ST7: variants seen among roughly 807,000 people sequenced by gnomAD.
ST7 encodes suppressor of tumorigenicity 7 protein.
In ST7, 28 loss-of-function variants were observed where a neutral mutation model predicts 78.7. The ratio of observed to expected loss-of-function variants is 0.36; its 90% confidence interval spans 0.26 to 0.49. The LOEUF (loss-of-function observed/expected upper bound fraction) is 0.49. ST7 is among the 20% of genes least tolerant of loss of function. The pLI is 0.99. For synonymous variants in ST7, 247 were observed against 249.6 expected, an observed-to-expected ratio of 0.99 and a Z score of 0.10; for missense variants, 418 against 696.0, an observed-to-expected ratio of 0.60 and a Z score of 4.49.
chr7:117,195,678 A>T (rs937960535), intron 12 of ST7, among the ~76,000 whole-genome samples: 3 of 152,134 alleles, frequency 2.0e-5, no homozygotes, highest in Admixed American at 6.5e-5. Flanking sequence ...ATCTTGTGAA[A>T]ACTCACTCAC....
chr7:117,158,528 C>T (rs1473414023), intron 9 of ST7, among the ~76,000 whole-genome samples: 1 of 152,220 alleles, frequency 6.6e-6, no homozygotes, highest in East Asian at 1.9e-4. Context: ...ACTTAATGCG[C>T]TCAGTTCAGT....
chr7:117,189,478 C>G (rs761243013), intron 11 of ST7, 85 bp downstream of exon 11: 16 of 1,106,040 alleles, frequency 1.4e-5, no homozygotes, highest in Non-Finnish European at 1.9e-5. Context: ...GGAAGTTTCT[C>G]TTAGGCTATG....
At chr7:117,068,437 G>A (rs938160874) in intron 1 of ST7, among the ~76,000 whole-genome samples, 4 of 152,082 alleles carry the variant, frequency 2.6e-5, no homozygotes, top group African/African-American at 9.7e-5. Flanking sequence ...TTCATCCTAC[G>A]TTTTTCTACT....
intron 10 of ST7, among the ~76,000 whole-genome samples, chr7:117,172,643 A>G (rs990125268): frequency 3.3e-5 from 5 of 152,186 alleles, no homozygotes; most frequent in African/African-American, 1.2e-4. Flanking sequence ...GGTCTAAACT[A>G]TTGGGCTGCC....
intron 9 of ST7, among the ~76,000 whole-genome samples, chr7:117,140,089 A>G (rs1805147714): frequency 6.6e-6 from 1 of 152,226 alleles, no homozygotes; most frequent in African/African-American, 2.4e-5. Context: ...ACAAATTCTG[A>G]TGATTTTAAT....
intron 1 of ST7, among the ~76,000 whole-genome samples, chr7:116,989,637 G>T (rs1239286987): frequency 6.6e-6 from 1 of 151,468 alleles, no homozygotes; most frequent in Non-Finnish European, 1.5e-5. Flanking sequence ...CCGGGAGTTT[G>T]AGACCAGCAT....
intron 1 of ST7, among the ~76,000 whole-genome samples, chr7:117,059,134 G>A (rs942283717): frequency 2.0e-5 from 3 of 152,168 alleles, no homozygotes; most frequent in African/African-American, 7.2e-5. Context: ...CCAGCACAAT[G>A]AGGTGACCAT....
At chr7:116,963,525 A>G (rs1384587602) in intron 1 of ST7, among the ~76,000 whole-genome samples, 1 of 152,224 alleles carries the variant, frequency 6.6e-6, no homozygotes, top group East Asian at 1.9e-4. Context: ...TCAGCAAAGT[A>G]AGGCAACATT....
intron 2 of ST7, among the ~76,000 whole-genome samples, chr7:117,107,331 A>G (rs1486784438): frequency 1.3e-5 from 2 of 152,082 alleles, no homozygotes; most frequent in African/African-American, 4.8e-5. Flanking sequence ...TTAGTTCTTT[A>G]AGGAATCTCC....
intron 15 of ST7, chr7:117,223,820 C>A: frequency 3.2e-6 from 1 of 316,730 alleles, no homozygotes; most frequent in Non-Finnish European, 4.6e-6. Flanking sequence ...GAGAGCAGAA[C>A]GGTGTCTTCA....
Position 116,967,326 on chromosome 7 carries a change from C to A in ST7, c.151+13635C>A, listed in dbSNP as rs2116221853. ...GGTGGCCATTAATGACCAATTCTGCCTTTGAGTGCTCCACTTGCGCTACTC... is the reference window on the plus strand; with the variant it reads ...GGTGGCCATTAATGACCAATTCTGCATTTGAGTGCTCCACTTGCGCTACTC... On this transcript the variant is annotated intron_variant, in intron 1 of 15. Coordinates refer to ENST00000323984, the MANE Select transcript of ST7 (RefSeq NM_001369598.1). 8 of 471,102 alleles carry A rather than the reference C, an allele frequency of 1.7e-5. 1 individual carries two copies. The highest frequency in any genetic ancestry group is 1.1e-4 in the South Asian group (7 of 64,570). 29.2% of individuals were successfully genotyped at this position (471,102 alleles called of 1,614,324 possible).
chr7:117,208,972 C>G (rs1439953632), intron 12 of ST7, among the ~76,000 whole-genome samples: 2 of 149,134 alleles, frequency 1.3e-5, no homozygotes, highest in Non-Finnish European at 1.5e-5. Context: ...GGGGAGAATG[C>G]CAGCCAGAAA....
intron 1 of ST7, among the ~76,000 whole-genome samples, chr7:116,981,028 T>G (rs998093328): frequency 2.0e-5 from 3 of 152,232 alleles, no homozygotes; most frequent in African/African-American, 7.2e-5. Context: ...TCCTTAACTT[T>G]AGTGACCTTG....
At chr7:117,175,412 A>G (rs1365500723) in intron 10 of ST7, among the ~76,000 whole-genome samples, 1 of 152,188 alleles carries the variant, frequency 6.6e-6, no homozygotes, top group Admixed American at 6.6e-5. Context: ...ATTCATTGTC[A>G]TTTGTGCATT....
intron 15 of ST7, among the ~76,000 whole-genome samples, chr7:117,224,820 T>G (rs1449405569): frequency 6.6e-6 from 1 of 152,224 alleles, no homozygotes; most frequent in Admixed American, 6.5e-5. Flanking sequence ...GGACACTGCT[T>G]GGAAAGCTGA....
At chr7:117,132,704 A>T (rs1362027599) in intron 6 of ST7, among the ~76,000 whole-genome samples, 1 of 150,872 alleles carries the variant, frequency 6.6e-6, no homozygotes, top group Non-Finnish European at 1.5e-5. Context: ...TTGTCGTGAG[A>T]GTTGAAAATC....
chr7:117,121,490 C>G (rs1392042945), intron 3 of ST7, among the ~76,000 whole-genome samples: 1 of 152,092 alleles, frequency 6.6e-6, no homozygotes, highest in Non-Finnish European at 1.5e-5. Context: ...ATACACTAAT[C>G]CTTGATAATT....
chr7:117,099,892 T>C lies in ST7; in HGVS notation c.234+48T>C, dbSNP rs940179441. On this transcript the variant is annotated intron_variant, in intron 2 of 15. Transcript: ENST00000323984. ...TTTAAAAACATGCTGATTAGTAATA[T>C]GTGTATTAGTGTATGTACAGTAAAA... 5 of 1,426,026 alleles carry C rather than the reference T, an allele frequency of 3.5e-6. No individual in the cohort carries two copies. The African/African-American group carries it at 5.6e-5, about 16-fold the overall frequency. 88.3% of individuals were successfully genotyped at this position (1,426,026 alleles called of 1,614,324 possible).
chr7:117,031,354 A>ATG lies in ST7; in HGVS notation c.152-68394_152-68393dup, dbSNP rs1264685498. ...ACATGTACCCCTGAACCTAAAATAA[A>ATG]TGTGTGTGTGTGTGTATATGTGTGT... is the stretch of plus-strand genomic sequence containing the variant. On this transcript the variant is annotated intron_variant, in intron 1 of 15. Transcript: ENST00000323984. Among the ~76,000 whole-genome samples, 2 of 143,600 alleles carry ATG rather than the reference A, an allele frequency of 1.4e-5. 1 individual carries two copies. Among genetic ancestry groups the ATG allele is most frequent in the African/African-American group, 5.0e-5 (2 of 39,608 alleles). The allele number at this position is 143,600 out of a possible 152,430, so 94.2% of individuals were successfully genotyped here.
Sources: allele counts gnomAD v4.1 joint callset (sites outside exome capture counted in the v4.1 genomes callset), GRCh38; gene constraint gnomAD v4.1.1; transcripts MANE v1.5; gene names NCBI Gene and HGNC (gene_info 2026-07-23, HGNC 2026-07-21).